Variants in DCLRE1C observed in about 807,000 individuals in gnomAD.
DCLRE1C encodes the protein protein artemis.
DCLRE1C carries 47 observed loss-of-function variants against 61.4 expected under a neutral mutation model. That is an observed-to-expected ratio of 0.77 (90% CI 0.61 to 0.98). The LOEUF (loss-of-function observed/expected upper bound fraction) is 0.98. DCLRE1C is among the 50% of genes least tolerant of loss of function. The probability of loss-of-function intolerance (pLI) is 0.00; values close to 1 mark genes in which losing one functional copy is unlikely to be tolerated. For missense variants in DCLRE1C, 858 were observed against 816.0 expected, an observed-to-expected ratio of 1.05 and a Z score of -0.63; for synonymous variants, 337 against 287.6, an observed-to-expected ratio of 1.17 and a Z score of -1.74.
At chr10:14,949,449 C>T (rs567062506) in intron 1 of DCLRE1C, among the ~76,000 whole-genome samples, 1 of 152,200 alleles carries the variant, frequency 6.6e-6, no homozygotes, top group East Asian at 1.9e-4. Context: ...GGGACCCATT[C>T]ACTTTCTGCC....
At chr10:14,903,556 T>A (rs571289495), downstream of DCLRE1C, 36 of 152,208 alleles carry the variant, frequency 2.4e-4, no homozygotes, top group African/African-American at 8.2e-4. Flanking sequence ...TATACATAAA[T>A]TTTTTTTAGA....
Position 14,928,135 on chromosome 10 carries a change from C to T in DCLRE1C, c.798G>A (p.Gln266=), listed in dbSNP as rs181619477. ...TAATTCCACAGGGTAATTTGCTCCA[C>T]TGAAAATATTCCTCTGCCTAAAAAA... ...CRHPKAEEYF[Q]WSKLPCGITS... The change falls in exon 10 of 14, where the codon CAG becomes CAA. Residue 266 remains glutamine, a synonymous_variant. Transcript: ENST00000378278. The T allele has an allele frequency of 3.4e-5, 55 of 1,613,308 alleles. No homozygotes were observed. Among genetic ancestry groups the T allele is most frequent in the African/African-American group, 6.7e-5 (5 of 74,934 alleles).
intron 11 of DCLRE1C, among the ~76,000 whole-genome samples, chr10:14,924,789 G>A (rs1436101928): frequency 1.3e-5 from 2 of 152,018 alleles, no homozygotes; most frequent in Non-Finnish European, 2.9e-5. Context: ...GGAGGTTGCA[G>A]TGAGCCGAGA....
At chr10:14,945,993 A>C (rs1841627174) in intron 2 of DCLRE1C, among the ~76,000 whole-genome samples, 1 of 135,336 alleles carries the variant, frequency 7.4e-6, no homozygotes, top group African/African-American at 2.8e-5. Context: ...ACAGAAATTA[A>C]TTTCATAATA....
intron 13 of DCLRE1C, among the ~76,000 whole-genome samples, chr10:14,909,607 GAAA>G (rs35882715): frequency 8.5e-6 from 1 of 117,826 alleles, no homozygotes; most frequent in Non-Finnish European, 1.9e-5. Flanking sequence ...TTCAAAAAAA[GAAA>G]AAAAAAAAAA....
intron 13 of DCLRE1C, among the ~76,000 whole-genome samples, chr10:14,917,881 T>C (rs992604647): frequency 2.6e-5 from 4 of 152,288 alleles, no homozygotes; most frequent in East Asian, 3.9e-4. Flanking sequence ...CCAATGAAGA[T>C]ACATGGATGG....
At chr10:14,932,741 G>A in intron 9 of DCLRE1C, 113 bp downstream of exon 9, 1 of 1,242,934 alleles carries the variant, frequency 8.0e-7, no homozygotes, top group East Asian at 2.3e-5. Flanking sequence ...ACTTAGGATT[G>A]CAGCCTCAGG....
intron 3 of DCLRE1C, among the ~76,000 whole-genome samples, chr10:14,944,013 T>C (rs1179973753): frequency 6.6e-6 from 1 of 152,204 alleles, no homozygotes; most frequent in East Asian, 1.9e-4. Flanking sequence ...ATTGGACAGA[T>C]GCATTTTATT....
downstream of DCLRE1C, chr10:14,902,400 C>CT: frequency 1.3e-6 from 2 of 1,582,580 alleles, no homozygotes; most frequent in Non-Finnish European, 1.7e-6. Flanking sequence ...TTTTCTGTGT[C>CT]TTCAGGTTCT....
chr10:14,905,943 C>T lies in DCLRE1C; in HGVS notation c.*2465G>A, dbSNP rs1564353829. 1.3e-5 allele frequency among the ~76,000 whole-genome samples: 2 copies of T among 152,228 alleles called. No individual in the cohort carries two copies. Among genetic ancestry groups the T allele is most frequent in the Admixed American group, 6.5e-5 (1 of 15,282 alleles). On this transcript the variant is annotated 3_prime_UTR_variant, in exon 14 of 14. Coordinates refer to ENST00000378278, the MANE Select transcript of DCLRE1C (RefSeq NM_001033855.3). Reference sequence around the variant, plus strand: ...GTTGCAGTGAGCTGAGATAGGGCCACTGCATTCCAGCCTGAGTGACAGAGC... The same window carrying T: ...GTTGCAGTGAGCTGAGATAGGGCCATTGCATTCCAGCCTGAGTGACAGAGC...
chr10:14,909,323 TTCC>T lies in DCLRE1C; in HGVS notation c.1161_1163del (p.Glu388del), dbSNP rs1437681771. ...GAGGATCATCAAAGAGATAGTCATC[TTCC>T]TCCTCTGTGGGACAAACAAAACAGG... On this transcript the variant is annotated inframe_deletion, in exon 14 of 14. Transcript: ENST00000378278. 1.2e-5 allele frequency: 19 copies of T among 1,613,378 alleles called. No individual in the cohort carries two copies. The highest frequency in any genetic ancestry group is 1.6e-5 in the Non-Finnish European group (19 of 1,179,964).
At chr10:14,934,157 G>A (rs530546530) in intron 8 of DCLRE1C, among the ~76,000 whole-genome samples, 12 of 151,852 alleles carry the variant, frequency 7.9e-5, no homozygotes, top group East Asian at 3.9e-4. Context: ...GTGAAATGTC[G>A]TCTGTGCTAA....
chr10:14,944,391 T>G (rs1841341897), intron 3 of DCLRE1C, among the ~76,000 whole-genome samples: 1 of 151,956 alleles, frequency 6.6e-6, no homozygotes, highest in Non-Finnish European at 1.5e-5. Context: ...CCCAGCTACT[T>G]GGGAGGCTGA....
intron 4 of DCLRE1C, among the ~76,000 whole-genome samples, chr10:14,936,808 T>C (rs775875366): frequency 6.6e-6 from 1 of 152,162 alleles, no homozygotes; most frequent in East Asian, 1.9e-4. Context: ...CCACTAGTTA[T>C]AGAACCAAGA....
At chr10:14,942,533 T>A (rs2131067109) in intron 3 of DCLRE1C, 1 of 152,242 alleles carries the variant, frequency 6.6e-6, no homozygotes, top group South Asian at 2.1e-4. Flanking sequence ...TATGTGTGCA[T>A]ACTCACACAC....
Position 14,934,765 on chromosome 10 carries a change from T to A in DCLRE1C, c.475A>T (p.Ile159Phe), listed in dbSNP as rs757929355. 2.1e-5 allele frequency: 34 copies of A among 1,613,058 alleles called. No homozygotes were observed. Among genetic ancestry groups the A allele is most frequent in the Non-Finnish European group, 2.9e-5 (34 of 1,179,098 alleles). The change falls in exon 7 of 14, where the codon ATC becomes TTC. Residue 159 changes from isoleucine to phenylalanine, a missense_variant. Around this residue, in one of 2 missense-constraint regions of DCLRE1C, gnomAD observed 843 missense variants for 783.5 expected, o/e 1.08. Coordinates refer to ENST00000378278, the MANE Select transcript of DCLRE1C (RefSeq NM_001033855.3). ...LLHSGGRVKD[I>F]QSVYLDTTFC... is the part of the protein sequence containing the mutation. ...GTAGTATCCAAATATACACTTTGGA[T>A]GTCTTTGACTCTGAAAAGAAAAAAA...
At chr10:14,932,815 T>C in intron 9 of DCLRE1C, 39 bp downstream of exon 9, 1 of 1,608,700 alleles carries the variant, frequency 6.2e-7, no homozygotes, top group Non-Finnish European at 8.5e-7. Context: ...TTTTCATAGA[T>C]TACACAAACA....
chr10:14,909,075 C>T lies in DCLRE1C; in HGVS notation c.1412G>A (p.Gly471Glu). ...CAGGTGAAGTACAGAGCCCAGATCT[C>T]CTTGCAGTGAAGCTGGGATTCCTAC... ...EEVGIPASLQ[G>E]DLGSVLHLQK... The change falls in exon 14 of 14, where the codon GGA becomes GAA. Residue 471 changes from glycine to glutamate, a missense_variant. Coordinates refer to ENST00000378278, the MANE Select transcript of DCLRE1C (RefSeq NM_001033855.3). The T allele has an allele frequency of 6.2e-7, 1 of 1,614,194 alleles. No individual in the cohort carries two copies. Among genetic ancestry groups the T allele is most frequent in the Non-Finnish European group, 8.5e-7 (1 of 1,180,026 alleles).
At chr10:14,937,686 T>C (rs932221917) in intron 4 of DCLRE1C, among the ~76,000 whole-genome samples, 1 of 151,438 alleles carries the variant, frequency 6.6e-6, no homozygotes, top group African/African-American at 2.4e-5. Flanking sequence ...AGGTCAGGAG[T>C]TTCAGACCAG....
Sources: allele counts gnomAD v4.1 joint callset (sites outside exome capture counted in the v4.1 genomes callset), GRCh38; gene constraint gnomAD v4.1.1; regional missense constraint gnomAD v4.1.1; transcripts MANE v1.5; gene names NCBI Gene and HGNC (gene_info 2026-07-23, HGNC 2026-07-21).